The following SHD variants were observed in gnomAD, a reference collection of about 807,000 sequenced individuals.
The protein encoded by SHD is SH2 domain-containing adapter protein D.
SHD carries 29 observed loss-of-function variants against 31.2 expected under a neutral mutation model. The observed-to-expected ratio is 0.93, with a 90% confidence interval of 0.69 to 1.27. The LOEUF is 1.27. SHD is among the 50% of genes most tolerant of loss of function. SHD has a pLI of 0.00. For synonymous variants in SHD, 208 were observed against 187.8 expected, an observed-to-expected ratio of 1.11 and a Z score of -0.88; for missense variants, 520 against 453.8, an observed-to-expected ratio of 1.15 and a Z score of -1.33.
chr19:4,281,957 C>G (rs1206514221), intron 1 of SHD, among the ~76,000 whole-genome samples: 1 of 152,152 alleles, frequency 6.6e-6, no homozygotes, highest in East Asian at 1.9e-4. Context: ...TACAAATCAA[C>G]ACAGGTAAAT....
intron 2 of SHD, 25 bp from the exon 3 acceptor site, chr19:4,283,029 C>A: frequency 6.2e-7 from 1 of 1,613,912 alleles, no homozygotes; most frequent in Non-Finnish European, 8.5e-7. Context: ...GGAGCAGGAG[C>A]TGAACAGTGT....
At position 4,283,047 on chromosome 19, in the gene SHD, C is replaced by T; in HGVS notation, c.404-7C>T. The T allele has an allele frequency of 6.2e-7, 1 of 1,613,670 alleles. No homozygotes were observed. The highest frequency in any genetic ancestry group is 2.2e-5 in the East Asian group (1 of 44,862). On this transcript the variant is annotated splice_region_variant and splice_polypyrimidine_tract_variant and intron_variant, in intron 2 of 5. Transcript: ENST00000543264. The stretch of plus-strand genomic sequence containing the variant: ...GCAGGAGCTGAACAGTGTCCCTGGC[C>T]TCCTAGAACTTCCCGGCAGAGGGGT...
chr19:4,279,892 T>C lies in SHD; in HGVS notation c.-172T>C. 1.3e-6 allele frequency: 1 copy of C among 752,448 alleles called. No homozygotes were observed. Among genetic ancestry groups the C allele is most frequent in the Non-Finnish European group, 2.1e-6 (1 of 477,408 alleles). The allele number at this position is 752,448 out of a possible 1,614,324, so 46.6% of individuals were successfully genotyped here. A position where few individuals can be genotyped will look rare whatever the true frequency, so the allele number is the denominator to read the frequency against. On this transcript the variant is annotated 5_prime_UTR_variant, in exon 1 of 6. Coordinates refer to ENST00000543264, the MANE Select transcript of SHD (RefSeq NM_020209.4). This position sits in a 1 kb window ranked among gnomAD's most constrained non-coding sequence, Gnocchi z 7.5. ...CCTTTTCCTCCCCCTCGTTCACCTT[T>C]TCCTTCCCTCTATCCATCCAGAGCC...
In SHD at chr19:4,286,288, T is replaced by TTTCCTTCCTTCCTTCC. The variant is rs199916938; in HGVS notation, c.716+1398_716+1413dup. ...CTTTCTTTCTTTCTTTCTTTTTTTC[T>TTTCCTTCCTTCCTTCC]TTCCTTCCTTCCTTCCTTCCTTCCT... is the stretch of plus-strand genomic sequence containing the variant. On this transcript the variant is annotated intron_variant, in intron 4 of 5. Coordinates refer to ENST00000543264, the MANE Select transcript of SHD (RefSeq NM_020209.4). Among the ~76,000 whole-genome samples, 32 of 113,402 alleles carry TTTCCTTCCTTCCTTCC rather than the reference T, an allele frequency of 2.8e-4. 1 individual carries two copies. Among genetic ancestry groups the TTTCCTTCCTTCCTTCC allele is most frequent in the African/African-American group, 8.6e-4 (25 of 28,932 alleles). 74.4% of individuals were successfully genotyped at this position (113,402 alleles called of 152,430 possible).
chr19:4,282,820 C>G, intron 1 of SHD, 50 bp from the exon 2 acceptor site: 2 of 1,533,576 alleles, frequency 1.3e-6, no homozygotes, highest in Non-Finnish European at 1.8e-6. Context: ...CGTCAATTAG[C>G]AGGGAAGCCC....
In SHD at chr19:4,280,329, C is replaced by T. The variant is rs1257336686; in HGVS notation, c.266C>T (p.Ala89Val). 1 of 1,593,458 alleles carries T rather than the reference C, an allele frequency of 6.3e-7. No individual in the cohort carries two copies. The highest frequency in any genetic ancestry group is 8.5e-7 in the Non-Finnish European group (1 of 1,170,172). The change falls in exon 1 of 6, where the codon GCC becomes GTC. Residue 89 changes from alanine to valine, a missense_variant. Transcript: ENST00000543264. ...GTGGAGGCTGCGGATATGGCCAGAG[C>T]CAAGGCCCTTCTGGGCGGCCCCGGG... ...IKVEAADMAR[A>V]KALLGGPGEE...
intron 5 of SHD, among the ~76,000 whole-genome samples, chr19:4,289,076 T>G (rs1971348940): frequency 6.6e-6 from 1 of 151,460 alleles, no homozygotes; most frequent in African/African-American, 2.4e-5. Context: ...ACGGAAGACT[T>G]TCGGCGCATA....
At chr19:4,286,222 CTTTCTTTCT>C (rs1194204857) in intron 4 of SHD, among the ~76,000 whole-genome samples, 1 of 99,094 alleles carries the variant, frequency 1.0e-5, no homozygotes, top group Non-Finnish European at 1.9e-5. Context: ...TTCTTTCTTT[CTTTCTTTCT>C]TTTCTTTCTT....
rs375173911 is a variant in SHD at position 4,290,565 on chromosome 19, C to T, written c.955C>T (p.Arg319Cys). The T allele has an allele frequency of 2.7e-5, 44 of 1,613,648 alleles. No homozygotes were observed. The African/African-American group carries it at 3.7e-4, about 14-fold the overall frequency. ...CGAGCTCGTCCTCCACTACAGTTCA[C>T]GCCCACTGCCGGTGCAGGGTGCCGA... ...VPELVLHYSS[R>C]PLPVQGAEHL... Residue 319 changes from arginine (R) to cysteine (C), a missense_variant, in exon 6 of 6, where the codon CGC (arginine) becomes TGC (cysteine). Physicochemically the swap from Arg to Cys is radical, Grantham distance 180 (BLOSUM62 -3). Transcript: ENST00000543264.
chr19:4,283,007 G>A (rs1205063438), intron 2 of SHD, 32 bp downstream of exon 2: 1 of 1,614,066 alleles, frequency 6.2e-7, no homozygotes, highest in Admixed American at 1.7e-5. Context: ...GAAGGTGACA[G>A]GGTCCCAGAT....
At chr19:4,282,158 G>T (rs1372014872) in intron 1 of SHD, among the ~76,000 whole-genome samples, 2 of 152,086 alleles carry the variant, frequency 1.3e-5, no homozygotes, top group Non-Finnish European at 2.9e-5. Flanking sequence ...TGTGGCTCAT[G>T]CCTGTAATCC....
chr19:4,285,888 TC>T (rs1971304172), intron 4 of SHD, among the ~76,000 whole-genome samples: 1 of 118,764 alleles, frequency 8.4e-6, no homozygotes, highest in African/African-American at 3.3e-5. Flanking sequence ...TCTTTTCCTT[TC>T]TTTTTTTTTT....
At chr19:4,286,430 G>C (rs1361291127) in intron 4 of SHD, among the ~76,000 whole-genome samples, 1 of 151,046 alleles carries the variant, frequency 6.6e-6, no homozygotes, top group Admixed American at 6.7e-5. Context: ...CTGTACCCCT[G>C]CACTCCTGGG....
chr19:4,279,823 A>G lies in SHD; in HGVS notation c.-241A>G. ...CCCCCTTCCCCCGCGGTGCTTCCCA[A>G]GCTGGGCTAAGGCGGGCTTCTCTTC... On this transcript the variant is annotated 5_prime_UTR_variant, in exon 1 of 6. Coordinates refer to ENST00000543264, the MANE Select transcript of SHD (RefSeq NM_020209.4). The surrounding 1 kb of genome is among the most constrained non-coding windows in gnomAD (Gnocchi z 7.5). 1 of 543,162 alleles carries G rather than the reference A, an allele frequency of 1.8e-6. No individual in the cohort carries two copies. Among genetic ancestry groups the G allele is most frequent in the South Asian group, 2.6e-5 (1 of 38,066 alleles). The allele number at this position is 543,162 out of a possible 1,614,324, so 33.6% of individuals were successfully genotyped here.
rs1193556119 is a variant in SHD, at chr19:4,279,345, C to G, written c.-719C>G. On this transcript the variant is annotated 5_prime_UTR_variant, in exon 1 of 6. Transcript: ENST00000543264. The surrounding 1 kb of genome is among the most constrained non-coding windows in gnomAD (Gnocchi z 7.5). ...CGCCCCCCTCCCCAGCGTCCCACCT[C>G]CCGGCGGCGGCGGGGAAAGTCTCTC... 1 of 152,410 alleles carries G rather than the reference C, an allele frequency of 6.6e-6. No individual in the cohort carries two copies. Among genetic ancestry groups the G allele is most frequent in the Non-Finnish European group, 1.5e-5 (1 of 68,212 alleles). 9.4% of individuals were successfully genotyped at this position (152,410 alleles called of 1,614,324 possible).
chr19:4,282,403 G>A (rs982920780), intron 1 of SHD, among the ~76,000 whole-genome samples: 30 of 151,900 alleles, frequency 2.0e-4, no homozygotes, highest in Non-Finnish European at 4.0e-4. Context: ...CTGGGCAACG[G>A]AGCAAGACTC....
intron 4 of SHD, among the ~76,000 whole-genome samples, chr19:4,286,241 TTC>T (rs1568369354): frequency 8.6e-5 from 9 of 104,314 alleles, no homozygotes; most frequent in African/African-American, 2.7e-4. Flanking sequence ...TTTTCTTTCT[TTC>T]TTTCTTTCTT....
At chr19:4,286,638 G>A (rs1360906970) in intron 4 of SHD, among the ~76,000 whole-genome samples, 4 of 152,110 alleles carry the variant, frequency 2.6e-5, no homozygotes, top group African/African-American at 9.7e-5. Context: ...GGTGGCTCAC[G>A]CCTGTTATCC....
Position 4,290,431 on chromosome 19 carries a change from C to T in SHD, c.837-16C>T, listed in dbSNP as rs1971365250. 2 of 1,602,902 alleles carry T rather than the reference C, an allele frequency of 1.2e-6. No individual in the cohort carries two copies. Among genetic ancestry groups the T allele is most frequent in the South Asian group, 2.2e-5 (2 of 89,522 alleles). On this transcript the variant is annotated splice_polypyrimidine_tract_variant and intron_variant, in intron 5 of 5. Transcript: ENST00000543264. The stretch of plus-strand genomic sequence containing the variant: ...GTCCGGGATGCTCAGGAGTCCCTTT[C>T]TCCCTCATCGCCCAGGAGCAGCCAG...
Sources: allele counts gnomAD v4.1 joint callset (sites outside exome capture counted in the v4.1 genomes callset), GRCh38; gene constraint gnomAD v4.1.1; non-coding constraint Gnocchi (gnomAD v3.1); transcripts MANE v1.5; gene names NCBI Gene and HGNC (gene_info 2026-07-23, HGNC 2026-07-21).